RBFOX1: variants seen among roughly 807,000 people sequenced by gnomAD.
The protein encoded by RBFOX1 is RNA binding fox-1 homolog 1.
RBFOX1 carries 8 observed loss-of-function variants against 57.7 expected under a neutral mutation model. The observed-to-expected ratio is 0.14, with a 90% confidence interval of 0.08 to 0.25. RBFOX1 has a LOEUF of 0.25. Among genes scored for constraint, RBFOX1 ranks in the 10% least tolerant of loss-of-function variants. The pLI is 1.00. For synonymous variants in RBFOX1, 326 were observed against 222.4 expected (o/e 1.47, Z -4.15); for missense variants, 611 against 548.5 (o/e 1.11, Z -1.14).
At chr16:6,103,862 AC>A (rs2096345377) in intron 1 of RBFOX1, among the ~76,000 whole-genome samples, 1 of 152,144 alleles carries the variant, frequency 6.6e-6, no homozygotes, top group East Asian at 1.9e-4. Flanking sequence ...CCACAGGGTT[AC>A]TTTTTGGTAC....
chr16:7,034,009 C>G (rs187118667), intron 3 of RBFOX1, among the ~76,000 whole-genome samples: 142 of 152,294 alleles, frequency 9.3e-4, no homozygotes, highest in African/African-American at 3.4e-3. Flanking sequence ...TAATTCAATA[C>G]TTAGTGAATA....
At chr16:5,394,479 A>T (rs745438464) in intron 1 of RBFOX1, among the ~76,000 whole-genome samples, 1 of 150,294 alleles carries the variant, frequency 6.7e-6, no homozygotes, top group African/African-American at 2.5e-5. Flanking sequence ...TTTGGACTTG[A>T]CCCCTGAAAC....
chr16:6,535,030 C>A (rs986891505), intron 2 of RBFOX1, among the ~76,000 whole-genome samples: 1 of 152,162 alleles, frequency 6.6e-6, no homozygotes, highest in South Asian at 2.1e-4. Flanking sequence ...TGACACAGGT[C>A]TGCTACAGCA....
At chr16:6,961,562 G>T (rs961471145) in intron 3 of RBFOX1, among the ~76,000 whole-genome samples, 2 of 152,152 alleles carry the variant, frequency 1.3e-5, no homozygotes, top group Non-Finnish European at 2.9e-5. Context: ...AGAAACAAAC[G>T]AATGGCTACT....
chr16:5,747,743 G>A (rs1488218667), intron 3 of RBFOX1, among the ~76,000 whole-genome samples: 2 of 152,080 alleles, frequency 1.3e-5, no homozygotes, highest in Admixed American at 6.5e-5. Context: ...ATTATTTATT[G>A]TGTCTATTTG....
rs368731482 is a variant in RBFOX1 at position 6,762,687 on chromosome 16, G to C, written c.-16+108037G>C. 2.0e-5 allele frequency among the ~76,000 whole-genome samples: 3 copies of C among 152,082 alleles called. No homozygotes were observed. The East Asian group carries it at 5.8e-4, about 29-fold the overall frequency. ...ACTTGGCATTTGGTTATTTGTTTTG[G>C]GCCCCAGTGATTTGCTAAAGAATAG... On this transcript the variant is annotated intron_variant, in intron 3 of 15. Transcript: ENST00000550418.
rs1420691049 is a variant in RBFOX1 at position 6,863,723 on chromosome 16, C to T, written c.-15-188334C>T. Among the ~76,000 whole-genome samples the T allele has an allele frequency of 5.6e-4, 22 of 39,584 alleles. No individual in the cohort carries two copies. In the East Asian group the frequency reaches 0.01, roughly 18 times the overall value. 26.0% of individuals were successfully genotyped at this position (39,584 alleles called of 152,430 possible). ...ACCGGAAGCACAAATTGGATGCCTG[C>T]GCTTTTTTTTTTTTTTTTTTTTTTT... is the stretch of plus-strand genomic sequence containing the variant. On this transcript the variant is annotated intron_variant, in intron 3 of 15. Coordinates refer to ENST00000550418, the MANE Select transcript of RBFOX1 (RefSeq NM_018723.4).
At chr16:7,384,899 C>G (rs758256296) in intron 4 of RBFOX1, among the ~76,000 whole-genome samples, 1 of 152,180 alleles carries the variant, frequency 6.6e-6, no homozygotes, top group African/African-American at 2.4e-5. Context: ...TGGTTAGTGA[C>G]AGGTGCAAGT....
At chr16:6,794,915 C>G (rs993472601) in intron 3 of RBFOX1, among the ~76,000 whole-genome samples, 1 of 152,128 alleles carries the variant, frequency 6.6e-6, no homozygotes, top group South Asian at 2.1e-4. Flanking sequence ...ATTCATTTCA[C>G]AGATGAGCAA....
intron 1 of RBFOX1, among the ~76,000 whole-genome samples, chr16:5,284,925 A>G (rs2063357181): frequency 6.6e-6 from 1 of 151,710 alleles, no homozygotes; most frequent in Non-Finnish European, 1.5e-5. Context: ...CAGTTTTATC[A>G]TAATGTGCCT....
intron 2 of RBFOX1, among the ~76,000 whole-genome samples, chr16:5,477,275 T>A (rs1168476786): frequency 6.6e-6 from 1 of 152,206 alleles, no homozygotes; most frequent in Non-Finnish European, 1.5e-5. Context: ...CCACAGGCCT[T>A]AGAGCTGGTT....
chr16:5,960,206 G>GA (rs1204595358), intron 4 of RBFOX1, among the ~76,000 whole-genome samples: 2 of 151,896 alleles, frequency 1.3e-5, no homozygotes, highest in Non-Finnish European at 2.9e-5. Flanking sequence ...GTCTCAAGAA[G>GA]AAGAAAGAAA....
intron 3 of RBFOX1, among the ~76,000 whole-genome samples, chr16:5,637,489 AGC>A (rs1596538747): frequency 1.3e-5 from 2 of 152,260 alleles, no homozygotes; most frequent in East Asian, 3.8e-4. Flanking sequence ...TTGTGGGCTT[AGC>A]AAGCTAATGT....
At chr16:7,697,025 T>C (rs11646371) in intron 14 of RBFOX1, among the ~76,000 whole-genome samples, 41,868 of 152,016 alleles carry the variant, frequency 0.28, 5,896 homozygotes, top group East Asian at 0.48. Flanking sequence ...ACTTGGAGGC[T>C]GCAGAACATA....
chr16:7,307,502 A>G (rs929174712), intron 4 of RBFOX1, among the ~76,000 whole-genome samples: 2 of 152,202 alleles, frequency 1.3e-5, no homozygotes, highest in Non-Finnish European at 2.9e-5. Flanking sequence ...TGATGTTTAC[A>G]TTATTTGACT....
chr16:6,692,133 T>G (rs540341047), intron 3 of RBFOX1, among the ~76,000 whole-genome samples: 1 of 152,220 alleles, frequency 6.6e-6, no homozygotes, highest in African/African-American at 2.4e-5. Flanking sequence ...TTAAGTAAGT[T>G]AGTGGTAACA....
At chr16:6,129,154 C>G (rs1053820163) in intron 1 of RBFOX1, among the ~76,000 whole-genome samples, 3 of 152,082 alleles carry the variant, frequency 2.0e-5, no homozygotes, top group Non-Finnish European at 4.4e-5. Flanking sequence ...GATCATGTGA[C>G]CTATAGCAAG....
chr16:7,693,479 G>GAA (rs199635596), intron 14 of RBFOX1: 276 of 500,926 alleles, frequency 5.5e-4, no homozygotes, highest in South Asian at 9.6e-4. Flanking sequence ...GTTTAGTTAA[G>GAA]AAAAAAAAAA....
chr16:5,731,686 C>G (rs767930952), intron 3 of RBFOX1, among the ~76,000 whole-genome samples: 11 of 152,154 alleles, frequency 7.2e-5, no homozygotes, highest in Non-Finnish European at 1.3e-4. Context: ...GAAATCCCCC[C>G]TGGATGTCCA....
Sources: gnomAD v4.1 joint callset for allele counts (sites outside exome capture counted in the v4.1 genomes callset) on GRCh38, gnomAD v4.1.1 for gene constraint, MANE v1.5 for transcripts, NCBI Gene and HGNC (gene_info 2026-07-23, HGNC 2026-07-21) for gene names.